MYB: variants seen among roughly 807,000 people sequenced by gnomAD.
MYB encodes MYB proto-oncogene, transcription factor.
A neutral mutation model predicts 92.9 loss-of-function variants in MYB; 28 were observed. That is an observed-to-expected ratio of 0.30 (90% confidence interval 0.22 to 0.41). The LOEUF (loss-of-function observed/expected upper bound fraction) is 0.41, where lower values mean the gene tolerates loss of function less well. Ranked by LOEUF, MYB falls within the 10% of genes least tolerant of loss-of-function variation. The pLI is 1.00. For missense variants in MYB, 679 were observed against 929.3 expected, an observed-to-expected ratio of 0.73 and a Z score of 3.50; for synonymous variants, 295 against 329.1, an observed-to-expected ratio of 0.90 and a Z score of 1.12.
At chr6:135,188,397 A>G (rs538194711) in intron 3 of MYB, among the ~76,000 whole-genome samples, 27 of 151,452 alleles carry the variant, frequency 1.8e-4, no homozygotes, top group African/African-American at 5.8e-4. Flanking sequence ...TTTCATTCTC[A>G]TGGCTGTGCT....
In MYB at chr6:135,200,113, A is replaced by G. The variant is rs956364900; in HGVS notation, c.1738A>G (p.Ile580Val). ...TAGAACCCCAGCTATCAAAAGGTCA[A>G]TCTTAGAAAGCTCTCCAAGAACTCC... is the stretch of plus-strand genomic sequence containing the variant. Reference protein sequence around the residue: ...VFRTPAIKRSILESSPRTPTP... With the variant: ...VFRTPAIKRSVLESSPRTPTP... The change falls in exon 12 of 16, where the codon ATC (isoleucine) becomes GTC (valine). Residue 580 changes from isoleucine (I) to valine (V), a missense_variant. By Grantham distance (29) the Ile-to-Val change is conservative. Coordinates refer to ENST00000341911, the MANE Select transcript of MYB (RefSeq NM_001130173.2). 6.2e-7 allele frequency: 1 copy of G among 1,614,164 alleles called. No homozygotes were observed. The highest frequency in any genetic ancestry group is 1.3e-5 in the African/African-American group (1 of 75,066).
In MYB at chr6:135,195,748, A is replaced by T. The variant is rs369681525; in HGVS notation, c.949A>T (p.Thr317Ser). The T allele has an allele frequency of 1.7e-5, 28 of 1,613,766 alleles. No homozygotes were observed. The highest frequency in any genetic ancestry group is 3.3e-5 in the Admixed American group (2 of 59,992). The change falls in exon 9 of 16, where the codon ACA becomes TCA. Residue 317 changes from threonine (T) to serine (S), a missense_variant and splice_region_variant. This residue lies in a region of MYB where 43 missense variants were observed against 87.9 expected (regional missense o/e 0.49). Transcript: ENST00000341911. The stretch of plus-strand genomic sequence containing the variant: ...TTCTACACCCTTCCCCCTTCCTTAG[A>T]CACAGAACCACACATGCAGCTACCC... ...NELKGQQVLP[T>S]QNHTCSYPGW...
At chr6:135,206,777 C>G (rs1391117375) in intron 15 of MYB, among the ~76,000 whole-genome samples, 2 of 152,142 alleles carry the variant, frequency 1.3e-5, no homozygotes, top group Admixed American at 1.3e-4. Flanking sequence ...GTTCTACATA[C>G]TTGCCAATTG....
chr6:135,200,132 G>A lies in MYB; in HGVS notation c.1757G>A (p.Arg586Lys), dbSNP rs749820799. The A allele has an allele frequency of 1.9e-6, 3 of 1,614,080 alleles. No homozygotes were observed. The highest frequency in any genetic ancestry group is 2.5e-6 in the Non-Finnish European group (3 of 1,179,978). ...AGGTCAATCTTAGAAAGCTCTCCAA[G>A]AACTCCTACACCATTCAAACATGCA... ...IKRSILESSP[R>K]TPTPFKHALA... Residue 586 changes from arginine (R) to lysine (K), a missense_variant, in exon 12 of 16, where the codon AGA becomes AAA. Arg to Lys is a conservative substitution (Grantham distance 26, BLOSUM62 2). Transcript: ENST00000341911.
At position 135,185,918 on chromosome 6, in the gene MYB, C is replaced by T. The variant is rs756361507; in HGVS notation, c.39C>T (p.Asp13=). 9.9e-6 allele frequency: 16 copies of T among 1,613,572 alleles called. No individual in the cohort carries two copies. The highest frequency in any genetic ancestry group is 6.7e-5 in the African/African-American group (5 of 74,890). Residue 13 remains aspartate (D), a synonymous_variant, in exon 2 of 16, where the codon GAC becomes GAT. Transcript: ENST00000341911. The part of the protein sequence containing the change: ...RRPRHSIYSS[D]EDDEDFEMCD... The stretch of plus-strand genomic sequence containing the variant: ...ATTTCTGCAGCATATATAGCAGTGA[C>T]GAGGATGATGAGGACTTTGAGATGT...
chr6:135,218,250 T>TA lies in MYB; in HGVS notation c.*278dup, dbSNP rs3216774. ...GTTAATATCTTAATGCAGATTTTTT[T>TA]AAAAAAAACATAAAATGATTTATCT... On this transcript the variant is annotated 3_prime_UTR_variant, in exon 16 of 16. Transcript: ENST00000341911. The TA allele has an allele frequency of 0.44, 146,072 of 333,018 alleles. 33,214 individuals are homozygous for TA. Among genetic ancestry groups the TA allele is most frequent in the African/African-American group, 0.52 (23,912 of 45,618 alleles). The allele number at this position is 333,018 out of a possible 1,614,324, so 20.6% of individuals were successfully genotyped here.
At position 135,181,520 on chromosome 6, in the gene MYB, C is replaced by G. The variant is rs1775025010; in HGVS notation, c.7C>G (p.Arg3Gly). The G allele has an allele frequency of 2.8e-5, 32 of 1,156,708 alleles. No individual in the cohort carries two copies. The highest frequency in any genetic ancestry group is 3.3e-5 in the Non-Finnish European group (31 of 940,060). 71.7% of individuals were successfully genotyped at this position (1,156,708 alleles called of 1,614,324 possible). A position where few individuals can be genotyped will look rare whatever the true frequency, so the allele number is the denominator to read the frequency against. Reference sequence around the variant, plus strand: ...GCCCCGCGCCCGCCGCGCCATGGCCCGAAGACCCCGGCACAGGTAACGGGG... The same window carrying G: ...GCCCCGCGCCCGCCGCGCCATGGCCGGAAGACCCCGGCACAGGTAACGGGG... Reference protein sequence around the residue: MARRPRHSIYSSD... With the variant: MAGRPRHSIYSSD... Residue 3 changes from arginine (R) to glycine (G), a missense_variant, in exon 1 of 16, where the codon CGA becomes GGA. This residue lies in a region of MYB where 88 missense variants were observed against 145.6 expected (regional missense o/e 0.60). Transcript: ENST00000341911. The surrounding 1 kb of genome is among the most constrained non-coding windows in gnomAD (Gnocchi z 5.3).
At chr6:135,206,492 T>G (rs1413805381) in intron 15 of MYB, among the ~76,000 whole-genome samples, 1 of 151,610 alleles carries the variant, frequency 6.6e-6, no homozygotes, top group Non-Finnish European at 1.5e-5. Flanking sequence ...GGTCAGGAGT[T>G]TGAGACCAAC....
rs1777464352 is a variant in MYB, at chr6:135,197,296, C to CAA, written c.1542_1543dup (p.Ser515LysfsTer11). 6.2e-7 allele frequency: 1 copy of CAA among 1,612,902 alleles called. No homozygotes were observed. The highest frequency in any genetic ancestry group is 1.3e-5 in the African/African-American group (1 of 74,898). ...GTTCAACTCCCAAGCGTTCCCCTGTCAAAAGCCTACCCTTCTCTCCCTCGC... is the reference window on the plus strand; with the variant it reads ...GTTCAACTCCCAAGCGTTCCCCTGTCAAAAAAGCCTACCCTTCTCTCCCTCGC... On this transcript the variant is annotated frameshift_variant, in exon 10 of 16. Coordinates refer to ENST00000341911, the MANE Select transcript of MYB (RefSeq NM_001130173.2). LOFTEE classifies it high-confidence loss of function.
At chr6:135,191,916 T>C (rs2128291906) in intron 5 of MYB, among the ~76,000 whole-genome samples, 1 of 152,334 alleles carries the variant, frequency 6.6e-6, no homozygotes, top group South Asian at 2.1e-4. Flanking sequence ...GACTTCACCA[T>C]GTCCCTCTCG....
chr6:135,218,219 C>A lies in MYB; in HGVS notation c.*239C>A. On this transcript the variant is annotated 3_prime_UTR_variant, in exon 16 of 16. Coordinates refer to ENST00000341911, the MANE Select transcript of MYB (RefSeq NM_001130173.2). ...TAAATTATTAGGTAATGAATTGTAGCCAGTTGTTAATATCTTAATGCAGAT... is the reference window on the plus strand; with the variant it reads ...TAAATTATTAGGTAATGAATTGTAGACAGTTGTTAATATCTTAATGCAGAT... 4 of 413,880 alleles carry A rather than the reference C, an allele frequency of 9.7e-6. No individual in the cohort carries two copies. Among genetic ancestry groups the A allele is most frequent in the Non-Finnish European group, 1.3e-5 (3 of 231,480 alleles). 25.6% of individuals were successfully genotyped at this position (413,880 alleles called of 1,614,324 possible).
chr6:135,182,295 G>C lies in MYB; in HGVS notation c.23+759G>C, dbSNP rs1426738044. Among the ~76,000 whole-genome samples the C allele has an allele frequency of 6.6e-6, 1 of 152,202 alleles. No individual in the cohort carries two copies. The highest frequency in any genetic ancestry group is 1.9e-4 in the East Asian group (1 of 5,180). On this transcript the variant is annotated intron_variant, in intron 1 of 15. Transcript: ENST00000341911. The surrounding 1 kb of genome is among the most constrained non-coding windows in gnomAD (Gnocchi z 5.6). ...ATTTTTGGCCGGACAGATGGGAAGA[G>C]GGAGAGGAGGAGGAGGAGGGAAATC...
chr6:135,211,628 C>T (rs1779713142), intron 15 of MYB, among the ~76,000 whole-genome samples: 1 of 152,104 alleles, frequency 6.6e-6, no homozygotes, highest in Non-Finnish European at 1.5e-5. Flanking sequence ...AGTTGTGCCA[C>T]CCTAGGCTAT....
chr6:135,201,491 C>A, intron 13 of MYB, 148 bp from the exon 14 acceptor site: 1 of 490,964 alleles, frequency 2.0e-6, no homozygotes, highest in Non-Finnish European at 3.6e-6. Flanking sequence ...TTGTTGAATC[C>A]AGAAGATAGA....
chr6:135,204,453 C>T (rs767128307), intron 15 of MYB, among the ~76,000 whole-genome samples: 36 of 152,216 alleles, frequency 2.4e-4, no homozygotes, highest in Non-Finnish European at 3.2e-4. Context: ...TGTGAGCCAC[C>T]GGCAACCCAG....
rs1778111200 is a variant in MYB, at chr6:135,201,650, A to G, written c.1962A>G (p.Pro654=). The G allele has an allele frequency of 6.2e-7, 1 of 1,605,140 alleles. No individual in the cohort carries two copies. Among genetic ancestry groups the G allele is most frequent in the Non-Finnish European group, 8.5e-7 (1 of 1,174,236 alleles). Reference sequence around the variant, plus strand: ...CTATATGCTTTTAGGTGGAATCTCCAACTGATAAATCAGGAAACTTCTTCT... The same window carrying G: ...CTATATGCTTTTAGGTGGAATCTCCGACTGATAAATCAGGAAACTTCTTCT... The part of the protein sequence containing the change: ...LKKIKQEVES[P]TDKSGNFFCS... The change falls in exon 14 of 16, where the codon CCA becomes CCG. Residue 654 remains proline, a synonymous_variant. Coordinates refer to ENST00000341911, the MANE Select transcript of MYB (RefSeq NM_001130173.2).
intron 7 of MYB, 39 bp from the exon 8 acceptor site, chr6:135,194,317 C>G: frequency 6.8e-7 from 1 of 1,471,590 alleles, no homozygotes; most frequent in Non-Finnish European, 9.5e-7. Flanking sequence ...AGCTTCCAAT[C>G]AGACCTTTGT....
chr6:135,191,755 C>T (rs371518119), intron 5 of MYB, among the ~76,000 whole-genome samples: 11 of 152,268 alleles, frequency 7.2e-5, no homozygotes, highest in African/African-American at 2.6e-4. Context: ...CCTTTGGGAT[C>T]CCATTTTCCA....
chr6:135,196,713 C>T, intron 9 of MYB: 1 of 1,470,974 alleles, frequency 6.8e-7, no homozygotes, highest in South Asian at 1.2e-5. Context: ...ATTTTGCTTT[C>T]CATTGCATGC....
Sources: gnomAD v4.1 joint callset for allele counts (sites outside exome capture counted in the v4.1 genomes callset) on GRCh38, gnomAD v4.1.1 for gene constraint, gnomAD v4.1.1 regional missense constraint, Gnocchi (gnomAD v3.1) non-coding constraint, MANE v1.5 for transcripts, NCBI Gene and HGNC (gene_info 2026-07-23, HGNC 2026-07-21) for gene names.